The following NLRP13 variants were observed in gnomAD, a reference collection of about 807,000 sequenced individuals.
The protein encoded by NLRP13 is NLR family pyrin domain containing 13.
Under a neutral mutation model 94.4 loss-of-function variants are expected in NLRP13, and 82 were observed. The observed-to-expected ratio is 0.87, with a 90% confidence interval of 0.73 to 1.04. The LOEUF is 1.04. NLRP13 is among the 50% of genes least tolerant of loss of function. NLRP13 has a pLI of 0.00. For missense variants in NLRP13, 1,426 were observed against 1,230.8 expected, an observed-to-expected ratio of 1.16 and a Z score of -2.37; for synonymous variants, 553 against 464.7, an observed-to-expected ratio of 1.19 and a Z score of -2.45.
At chr19:55,906,864 C>T (rs2123115398) in intron 7 of NLRP13, among the ~76,000 whole-genome samples, 1 of 152,286 alleles carries the variant, frequency 6.6e-6, no homozygotes, top group South Asian at 2.1e-4. Context: ...CATGATCCAG[C>T]AAGAGCAGCA....
chr19:55,925,942 G>A (rs963669853), intron 1 of NLRP13, among the ~76,000 whole-genome samples: 1 of 152,048 alleles, frequency 6.6e-6, no homozygotes, highest in Non-Finnish European at 1.5e-5. Flanking sequence ...AAGCTCCACA[G>A]ACCCTACCTG....
chr19:55,901,538 T>G (rs975263072), intron 9 of NLRP13, among the ~76,000 whole-genome samples: 1 of 152,106 alleles, frequency 6.6e-6, no homozygotes. Flanking sequence ...TTAGCATGCC[T>G]GGGCACGTAG....
Position 55,898,855 on chromosome 19 carries a change from C to G in NLRP13, c.2872G>C (p.Asp958His), listed in dbSNP as rs1190756191. ...TCCTGAAGATCATTTTCTCCCAAAT[C>G]CAAGATTTTCACATTATGATTATGG... ...LSHNHNVKIL[D>H]LGENDLQDDG... The change falls in exon 10 of 11, where the codon GAT becomes CAT. Residue 958 changes from aspartate (D) to histidine (H), a missense_variant. Physicochemically the swap from Asp to His is moderately conservative, Grantham distance 81. Transcript: ENST00000342929. 1 of 1,614,064 alleles carries G rather than the reference C, an allele frequency of 6.2e-7. No individual in the cohort carries two copies. Among genetic ancestry groups the G allele is most frequent in the South Asian group, 1.1e-5 (1 of 91,066 alleles).
intron 6 of NLRP13, among the ~76,000 whole-genome samples, chr19:55,908,195 CCCTCTCCA>C (rs1208001839): frequency 5.3e-5 from 8 of 152,154 alleles, no homozygotes; most frequent in South Asian, 4.1e-4. Flanking sequence ...ATCCCTCCTT[CCCTCTCCA>C]CCTCTCCTAG....
At chr19:55,897,257 G>A (rs1465734689) in intron 10 of NLRP13, among the ~76,000 whole-genome samples, 1 of 152,180 alleles carries the variant, frequency 6.6e-6, no homozygotes, top group Non-Finnish European at 1.5e-5. Flanking sequence ...AGTGGCTCAT[G>A]TCAGTAATCC....
rs1986923553 is a variant in NLRP13 at position 55,924,635 on chromosome 19, G to T, written c.412C>A (p.Gln138Lys). 1.2e-6 allele frequency: 2 copies of T among 1,613,266 alleles called. No homozygotes were observed. The highest frequency in any genetic ancestry group is 1.7e-6 in the Non-Finnish European group (2 of 1,179,526). Reference protein sequence around the residue: ...AAGNMQTQGCQDPNQEELDEL... With the variant: ...AAGNMQTQGCKDPNQEELDEL... ...TCTAGTTCTTCTTGGTTTGGATCTT[G>T]GCATCCCTGGGTCTGCATATTCCCT... Residue 138 changes from glutamine (Q) to lysine (K), a missense_variant, in exon 3 of 11, where the codon CAA (glutamine) becomes AAA (lysine). Coordinates refer to ENST00000342929, the MANE Select transcript of NLRP13 (RefSeq NM_176810.2).
Position 55,902,200 on chromosome 19 carries a change from C to T in NLRP13, c.2624G>A (p.Trp875Ter). 6.2e-7 allele frequency: 1 copy of T among 1,613,640 alleles called. No individual in the cohort carries two copies. Among genetic ancestry groups the T allele is most frequent in the Non-Finnish European group, 8.5e-7 (1 of 1,179,830 alleles). The change falls in exon 9 of 11, where the codon TGG (tryptophan) becomes TAG (stop). Residue 875 changes from tryptophan to a stop codon, truncating the protein, a stop_gained. Coordinates refer to ENST00000342929, the MANE Select transcript of NLRP13 (RefSeq NM_176810.2). LOFTEE classifies it high-confidence loss of function. The part of the protein sequence containing the change: ...PKCALERLEL[W>*]FCQLAAPACK... ...AGCGGGTGCTGCCAGCTGGCAAAACCAGAGCCTGCAGGGTGAAAGCCACAG... is the reference window on the plus strand; with the variant it reads ...AGCGGGTGCTGCCAGCTGGCAAAACTAGAGCCTGCAGGGTGAAAGCCACAG...
chr19:55,926,944 A>G (rs1986979195), intron 1 of NLRP13, among the ~76,000 whole-genome samples: 2 of 152,224 alleles, frequency 1.3e-5, no homozygotes, highest in South Asian at 2.1e-4. Flanking sequence ...GCTCTTTTCA[A>G]CAAATGGTGC....
intron 1 of NLRP13, among the ~76,000 whole-genome samples, chr19:55,926,236 T>C (rs192558776): frequency 6.6e-6 from 1 of 152,358 alleles, no homozygotes; most frequent in Non-Finnish European, 1.5e-5. Flanking sequence ...AGATTAAATT[T>C]AAGACTCCAA....
chr19:55,901,668 G>A (rs764549747), intron 9 of NLRP13, among the ~76,000 whole-genome samples: 1 of 152,212 alleles, frequency 6.6e-6, no homozygotes, highest in South Asian at 2.1e-4. Context: ...ATTGCACGGG[G>A]AGAGGGCTCC....
intron 6 of NLRP13, 36 bp downstream of exon 6, chr19:55,910,527 G>T: frequency 2.0e-6 from 3 of 1,526,034 alleles, no homozygotes; most frequent in Non-Finnish European, 2.7e-6. Flanking sequence ...GATTCTCCTA[G>T]GGTATCTTCT....
chr19:55,905,640 G>A (rs1002339753), intron 7 of NLRP13, among the ~76,000 whole-genome samples: 2 of 151,918 alleles, frequency 1.3e-5, no homozygotes, highest in African/African-American at 4.8e-5. Flanking sequence ...GTGACAGAGG[G>A]AGACTCCATC....
chr19:55,907,819 T>G lies in NLRP13; in HGVS notation c.2420A>C (p.His807Pro). The change falls in exon 7 of 11, where the codon CAC (histidine) becomes CCC (proline). Residue 807 changes from histidine (H) to proline (P), a missense_variant. Coordinates refer to ENST00000342929, the MANE Select transcript of NLRP13 (RefSeq NM_176810.2). ...TVPLILKALR[H>P]SACNLKYLCL... ...CAGATACTTGAGGTTGCAAGCTGAGTGTCTCAAAGCTTTAAGAATCAGGGG... is the reference window on the plus strand; with the variant it reads ...CAGATACTTGAGGTTGCAAGCTGAGGGTCTCAAAGCTTTAAGAATCAGGGG... The G allele has an allele frequency of 1.9e-6, 3 of 1,613,770 alleles. No homozygotes were observed. The highest frequency in any genetic ancestry group is 2.5e-6 in the Non-Finnish European group (3 of 1,179,896).
chr19:55,906,360 A>G (rs1986350429), intron 7 of NLRP13, among the ~76,000 whole-genome samples: 1 of 149,656 alleles, frequency 6.7e-6, no homozygotes, highest in Non-Finnish European at 1.5e-5. Context: ...AAAAAGACAG[A>G]TGATAGACAG....
At chr19:55,902,263 C>CCTTTTT in intron 8 of NLRP13, 58 bp from the exon 9 acceptor site, 1 of 1,522,074 alleles carries the variant, frequency 6.6e-7, no homozygotes, top group Non-Finnish European at 9.0e-7. Context: ...ACCCAGGCTC[C>CCTTTTT]TGGAACAGAG....
chr19:55,930,686 CAAAAA>C (rs9304769), intron 1 of NLRP13, among the ~76,000 whole-genome samples: 10 of 94,202 alleles, frequency 1.1e-4, no homozygotes, highest in African/African-American at 3.4e-4. Flanking sequence ...AACTCCATCT[CAAAAA>C]AAAAAAAAAA....
intron 9 of NLRP13, among the ~76,000 whole-genome samples, chr19:55,900,775 T>A (rs1230584997): frequency 6.7e-5 from 9 of 134,188 alleles, no homozygotes; most frequent in Non-Finnish European, 7.9e-5. Context: ...GACTCCATCT[T>A]AAAAAAAAAA....
chr19:55,898,134 A>G (rs1373479846), intron 10 of NLRP13, among the ~76,000 whole-genome samples: 2 of 152,100 alleles, frequency 1.3e-5, no homozygotes, highest in Non-Finnish European at 2.9e-5. Flanking sequence ...GGATGGTGGT[A>G]ACAAGAGTAA....
intron 10 of NLRP13, among the ~76,000 whole-genome samples, chr19:55,898,303 G>A (rs772622020): frequency 8.7e-5 from 13 of 148,858 alleles, no homozygotes; most frequent in South Asian, 6.6e-4. Context: ...TCTACCTCCC[G>A]GGTTCAAGCG....
Sources: allele counts gnomAD v4.1 joint callset (sites outside exome capture counted in the v4.1 genomes callset), GRCh38; gene constraint gnomAD v4.1.1; transcripts MANE v1.5; gene names NCBI Gene and HGNC (gene_info 2026-07-23, HGNC 2026-07-21).